Variants in ADAMTS3 observed in about 807,000 individuals in gnomAD.
The protein encoded by ADAMTS3 is ADAM metallopeptidase with thrombospondin type 1 motif 3.
Under a neutral mutation model 129.0 loss-of-function variants are expected in ADAMTS3, and 73 were observed. The observed-to-expected ratio is 0.57, with a 90% CI of 0.47 to 0.69. The LOEUF is 0.69. Ranked by LOEUF, ADAMTS3 falls within the 30% of genes least tolerant of loss-of-function variation. The pLI, the probability that ADAMTS3 is intolerant of heterozygous loss-of-function variation, is 0.00. For synonymous variants in ADAMTS3, 477 were observed against 510.8 expected, an observed-to-expected ratio of 0.93 and a Z score of 0.89; for missense variants, 1,457 against 1,514.5, an observed-to-expected ratio of 0.96 and a Z score of 0.63.
chr4:72,531,888 T>C (rs1179533949), intron 3 of ADAMTS3, among the ~76,000 whole-genome samples: 1 of 152,062 alleles, frequency 6.6e-6, no homozygotes, highest in Admixed American at 6.6e-5. Flanking sequence ...CCTGGGGAGA[T>C]GGCACTCATG....
chr4:72,452,992 G>A (rs534695755), intron 3 of ADAMTS3, among the ~76,000 whole-genome samples: 2 of 151,784 alleles, frequency 1.3e-5, no homozygotes, highest in South Asian at 2.1e-4. Flanking sequence ...CTGGATCCAC[G>A]CTACATACTT....
chr4:72,402,091 C>A lies in ADAMTS3; in HGVS notation c.661+12724G>T, dbSNP rs1463767050. Among the ~76,000 whole-genome samples the A allele has an allele frequency of 5.9e-5, 9 of 152,240 alleles. No individual in the cohort carries two copies. The South Asian group carries it at 1.7e-3, about 28-fold the overall frequency. On this transcript the variant is annotated intron_variant, in intron 4 of 21. Transcript: ENST00000286657. ...AGAGTTATTGATAATAATATTTTCACCATACTATCACCATTAGTTAGTTCT... is the reference window on the plus strand; with the variant it reads ...AGAGTTATTGATAATAATATTTTCAACATACTATCACCATTAGTTAGTTCT...
At chr4:72,333,230 C>T (rs1014077330) in intron 5 of ADAMTS3, among the ~76,000 whole-genome samples, 1 of 152,298 alleles carries the variant, frequency 6.6e-6, no homozygotes, top group Non-Finnish European at 1.5e-5. Context: ...CATTTTGAAT[C>T]TAGACCCAAA....
At chr4:72,312,553 C>T in intron 12 of ADAMTS3, 87 bp from the exon 13 acceptor site, 1 of 1,345,902 alleles carries the variant, frequency 7.4e-7, no homozygotes, top group Non-Finnish European at 1.0e-6. Flanking sequence ...GGCACAAAGC[C>T]AAAGTTTCTG....
intron 4 of ADAMTS3, among the ~76,000 whole-genome samples, chr4:72,372,324 T>C (rs1223558593): frequency 2.0e-5 from 3 of 152,102 alleles, no homozygotes; most frequent in Non-Finnish European, 2.9e-5. Context: ...AATAATACTA[T>C]ATTAGATGAC....
At chr4:72,422,621 C>G (rs1297996839) in intron 3 of ADAMTS3, among the ~76,000 whole-genome samples, 1 of 152,126 alleles carries the variant, frequency 6.6e-6, no homozygotes, top group East Asian at 1.9e-4. Flanking sequence ...CTACATCACT[C>G]AACTCAAACA....
At chr4:72,468,829 C>T (rs757504051) in intron 3 of ADAMTS3, among the ~76,000 whole-genome samples, 92 of 151,810 alleles carry the variant, frequency 6.1e-4, no homozygotes, top group Admixed American at 3.6e-3. Flanking sequence ...CAGTGCATAT[C>T]ACATGGTCCC....
At chr4:72,515,447 T>C (rs867867311) in intron 3 of ADAMTS3, among the ~76,000 whole-genome samples, 43 of 151,330 alleles carry the variant, frequency 2.8e-4, no homozygotes, top group South Asian at 8.4e-4. Context: ...TTTACAGTCC[T>C]ACCAACAGTG....
At chr4:72,313,956 T>C (rs966821413) in intron 11 of ADAMTS3, 134 bp from the exon 12 acceptor site, 3 of 961,158 alleles carry the variant, frequency 3.1e-6, no homozygotes, top group Non-Finnish European at 1.5e-6. Context: ...TTTAAAATTA[T>C]CCAAAAGCAA....
At position 72,344,895 on chromosome 4, in the gene ADAMTS3, A is replaced by G. The variant is rs574595715; in HGVS notation, c.662-5202T>C. 3.9e-5 allele frequency among the ~76,000 whole-genome samples: 6 copies of G among 152,290 alleles called. No individual in the cohort carries two copies. The East Asian group carries it at 1.2e-3, about 29-fold the overall frequency. On this transcript the variant is annotated intron_variant, in intron 4 of 21. Transcript: ENST00000286657. ...AAAAACAAACTTCATTACATATGAGAGGTAACACTTCCATCATGTTTAGGT... is the reference window on the plus strand; with the variant it reads ...AAAAACAAACTTCATTACATATGAGGGGTAACACTTCCATCATGTTTAGGT...
chr4:72,313,531 AAC>A (rs1305310924), intron 12 of ADAMTS3, 144 bp downstream of exon 12: 1 of 772,980 alleles, frequency 1.3e-6, no homozygotes, highest in Non-Finnish European at 2.0e-6. Flanking sequence ...ATGTATCAAA[AAC>A]ACAGACTGGT....
chr4:72,381,835 T>C (rs934272116), intron 4 of ADAMTS3, among the ~76,000 whole-genome samples: 1 of 152,190 alleles, frequency 6.6e-6, no homozygotes, highest in Non-Finnish European at 1.5e-5. Flanking sequence ...GTAATTACAA[T>C]AATATAAGAA....
intron 4 of ADAMTS3, among the ~76,000 whole-genome samples, chr4:72,342,315 C>T (rs545815189): frequency 2.7e-4 from 41 of 151,376 alleles, no homozygotes; most frequent in African/African-American, 8.5e-4. Context: ...AATGATGAAC[C>T]GCTATTGTTC....
intron 3 of ADAMTS3, among the ~76,000 whole-genome samples, chr4:72,464,765 G>A (rs1348083832): frequency 6.6e-6 from 1 of 152,030 alleles, no homozygotes; most frequent in Non-Finnish European, 1.5e-5. Flanking sequence ...CAAAGTAATG[G>A]ACCAAAATTC....
At chr4:72,465,498 A>C (rs199799142) in intron 3 of ADAMTS3, among the ~76,000 whole-genome samples, 3 of 151,960 alleles carry the variant, frequency 2.0e-5, no homozygotes, top group Non-Finnish European at 2.9e-5. Context: ...TGGGGGCGAT[A>C]TGATCTGATT....
intron 3 of ADAMTS3, among the ~76,000 whole-genome samples, chr4:72,503,613 C>T (rs528383398): frequency 6.6e-6 from 1 of 152,264 alleles, no homozygotes; most frequent in East Asian, 1.9e-4. Flanking sequence ...TGTCTATCAG[C>T]TCCAATTGGT....
chr4:72,517,830 A>G (rs1335512660), intron 3 of ADAMTS3, among the ~76,000 whole-genome samples: 11 of 150,596 alleles, frequency 7.3e-5, no homozygotes, highest in Admixed American at 6.6e-4. Context: ...TTGTGTCTCT[A>G]TTTCCTTCAG....
intron 4 of ADAMTS3, among the ~76,000 whole-genome samples, chr4:72,374,673 T>G (rs1721094066): frequency 6.6e-6 from 1 of 152,220 alleles, no homozygotes; most frequent in African/African-American, 2.4e-5. Context: ...GCTATTTCAG[T>G]TATACATTTC....
chr4:72,486,090 C>T (rs1719584733), intron 3 of ADAMTS3, among the ~76,000 whole-genome samples: 1 of 152,178 alleles, frequency 6.6e-6, no homozygotes, highest in Non-Finnish European at 1.5e-5. Flanking sequence ...ATACCTAGTA[C>T]GTGCCTTCAT....
Sources: gnomAD v4.1 joint callset for allele counts (sites outside exome capture counted in the v4.1 genomes callset) on GRCh38, gnomAD v4.1.1 for gene constraint, MANE v1.5 for transcripts, NCBI Gene and HGNC (gene_info 2026-07-23, HGNC 2026-07-21) for gene names.